FRMD4A: variants seen among roughly 807,000 people sequenced by gnomAD.
FRMD4A encodes FERM domain containing 4A.
FRMD4A carries 29 observed loss-of-function variants against 129.1 expected under a neutral mutation model. The observed-to-expected ratio is 0.22, with a 90% CI of 0.17 to 0.31. The LOEUF (loss-of-function observed/expected upper bound fraction) is 0.31, where lower values mean the gene tolerates loss of function less well. FRMD4A is among the 10% of genes least tolerant of loss of function. The pLI is 1.00. For synonymous variants in FRMD4A, 634 were observed against 571.6 expected (o/e 1.11, Z -1.56); for missense variants, 1,272 against 1,375.8 (o/e 0.92, Z 1.19).
intron 2 of FRMD4A, among the ~76,000 whole-genome samples, chr10:13,974,070 C>T (rs1422126553): frequency 6.8e-6 from 1 of 145,992 alleles, no homozygotes; most frequent in Non-Finnish European, 1.5e-5. Context: ...CTCAGTCGCC[C>T]AGGCTGGAGT....
At chr10:14,212,320 A>C (rs1241118129) in intron 2 of FRMD4A, among the ~76,000 whole-genome samples, 3 of 152,160 alleles carry the variant, frequency 2.0e-5, no homozygotes, top group African/African-American at 7.2e-5. Context: ...TTTTGTTTCT[A>C]GGGAAAGGTG....
intron 2 of FRMD4A, among the ~76,000 whole-genome samples, chr10:14,156,499 T>C (rs1269497647): frequency 6.6e-6 from 1 of 152,160 alleles, no homozygotes; most frequent in African/African-American, 2.4e-5. Context: ...GTAATATAAA[T>C]AACGGTATCA....
Position 13,796,682 on chromosome 10 carries a change from G to A in FRMD4A, c.207-94C>T, listed in dbSNP as rs924646687. ...TATATGAAGCAGAACGTGCTGGATC[G>A]TAGATAAATTTGAACCTTCACCTTA... On this transcript the variant is annotated intron_variant, in intron 4 of 24. Transcript: ENST00000357447. 19 of 684,776 alleles carry A rather than the reference G, an allele frequency of 2.8e-5. No homozygotes were observed. In the Middle Eastern group the frequency reaches 7.5e-4, roughly 27 times the overall value. The allele number at this position is 684,776 out of a possible 1,614,324, so 42.4% of individuals were successfully genotyped here. A position where few individuals can be genotyped will look rare whatever the true frequency, so the allele number is the denominator to read the frequency against.
chr10:14,109,911 C>T (rs960209390), intron 2 of FRMD4A, among the ~76,000 whole-genome samples: 1 of 150,504 alleles, frequency 6.6e-6, no homozygotes, highest in Admixed American at 6.6e-5. Context: ...GCAGAGGTTG[C>T]AGTCAGCCAA....
At chr10:13,989,587 A>C (rs1259153632) in intron 2 of FRMD4A, among the ~76,000 whole-genome samples, 1 of 152,208 alleles carries the variant, frequency 6.6e-6, no homozygotes, top group Admixed American at 6.5e-5. Flanking sequence ...TTGGCCTCCC[A>C]AAGTGCTGGG....
chr10:13,733,138 T>C (rs771920211), intron 12 of FRMD4A, among the ~76,000 whole-genome samples: 2 of 152,254 alleles, frequency 1.3e-5, no homozygotes, highest in Non-Finnish European at 2.9e-5. Context: ...CGTGTGTGCA[T>C]CTTTTCAGAT....
intron 2 of FRMD4A, among the ~76,000 whole-genome samples, chr10:13,997,228 G>A (rs2095625807): frequency 6.6e-6 from 1 of 152,100 alleles, no homozygotes; most frequent in Non-Finnish European, 1.5e-5. Context: ...AGTGGCTGAA[G>A]GGAGGGATAT....
chr10:13,988,208 C>T (rs1357627634), intron 2 of FRMD4A, among the ~76,000 whole-genome samples: 1 of 152,204 alleles, frequency 6.6e-6, no homozygotes. Context: ...ACCGTAAAGA[C>T]TCCCATTTGG....
intron 2 of FRMD4A, among the ~76,000 whole-genome samples, chr10:13,874,208 T>C (rs2094467255): frequency 2.3e-5 from 3 of 127,836 alleles, no homozygotes; most frequent in South Asian, 2.5e-4. Flanking sequence ...ATTGCACGAC[T>C]GCACTCCAGC....
chr10:13,933,288 C>T (rs1298625054), intron 2 of FRMD4A, among the ~76,000 whole-genome samples: 13 of 151,934 alleles, frequency 8.6e-5, no homozygotes, highest in Admixed American at 4.6e-4. Context: ...GACTTTGTAA[C>T]TTACTTCATC....
intron 6 of FRMD4A, among the ~76,000 whole-genome samples, chr10:13,774,464 G>A (rs1271983527): frequency 6.6e-6 from 1 of 152,244 alleles, no homozygotes; most frequent in Non-Finnish European, 1.5e-5. Flanking sequence ...AAGTGGACCG[G>A]AAGTGCAGGA....
At chr10:13,725,819 T>C (rs748232393) in intron 12 of FRMD4A, among the ~76,000 whole-genome samples, 1 of 152,232 alleles carries the variant, frequency 6.6e-6, no homozygotes, top group Non-Finnish European at 1.5e-5. Flanking sequence ...ACTGTAACAA[T>C]ATTTGCTATG....
intron 16 of FRMD4A, among the ~76,000 whole-genome samples, chr10:13,673,835 G>A (rs548549600): frequency 6.8e-6 from 1 of 146,208 alleles, no homozygotes; most frequent in Non-Finnish European, 1.5e-5. Flanking sequence ...GAGTGCAATG[G>A]CGTGATCACT....
At chr10:14,237,789 C>T (rs1026659503) in intron 2 of FRMD4A, among the ~76,000 whole-genome samples, 1 of 152,182 alleles carries the variant, frequency 6.6e-6, no homozygotes, top group African/African-American at 2.4e-5. Context: ...CTTAAGGTCC[C>T]TTCTGAGAAT....
chr10:14,204,881 C>T (rs1426546843), intron 2 of FRMD4A, among the ~76,000 whole-genome samples: 3 of 152,136 alleles, frequency 2.0e-5, no homozygotes, highest in Non-Finnish European at 4.4e-5. Flanking sequence ...GAAAGCACTG[C>T]ACCACCAAAA....
At chr10:14,279,785 A>G (rs1845458751) in intron 2 of FRMD4A, among the ~76,000 whole-genome samples, 1 of 152,198 alleles carries the variant, frequency 6.6e-6, no homozygotes, top group Non-Finnish European at 1.5e-5. Context: ...GAAAGGGCCC[A>G]TCATTCACTG....
At chr10:14,142,677 A>C (rs1839894043) in intron 2 of FRMD4A, among the ~76,000 whole-genome samples, 1 of 152,282 alleles carries the variant, frequency 6.6e-6, no homozygotes. Flanking sequence ...AACTGAGTCC[A>C]GATGGGTAAA....
At chr10:13,841,960 A>T (rs1295406385) in intron 3 of FRMD4A, among the ~76,000 whole-genome samples, 2 of 152,158 alleles carry the variant, frequency 1.3e-5, no homozygotes, top group African/African-American at 2.4e-5. Flanking sequence ...CATTAATTCC[A>T]GGTGGTTAGT....
At chr10:14,319,041 T>A (rs75147064) in intron 2 of FRMD4A, among the ~76,000 whole-genome samples, 1,934 of 152,308 alleles carry the variant, frequency 0.013, 47 homozygotes, top group African/African-American at 0.045. Context: ...GCCCACATCA[T>A]GTGGGGAGAC....
Sources: gnomAD v4.1 joint callset for allele counts (sites outside exome capture counted in the v4.1 genomes callset) on GRCh38, gnomAD v4.1.1 for gene constraint, MANE v1.5 for transcripts, NCBI Gene and HGNC (gene_info 2026-07-23, HGNC 2026-07-21) for gene names.